FER1L6: variants seen among roughly 807,000 people sequenced by gnomAD.
FER1L6 encodes the protein fer-1-like protein 6.
In FER1L6, 177 loss-of-function variants were observed where a neutral mutation model predicts 219.2. The ratio of observed to expected loss-of-function variants is 0.81; its 90% CI spans 0.71 to 0.91. FER1L6 has a LOEUF of 0.91. FER1L6 is among the 40% of genes least tolerant of loss of function. The pLI is 0.00. For synonymous variants in FER1L6, 768 were observed against 824.3 expected (o/e 0.93, Z 1.17); for missense variants, 2,153 against 2,259.9 (o/e 0.95, Z 0.96).
Position 124,103,131 on chromosome 8 carries a change from G to A in FER1L6, c.5126-15G>A. On this transcript the variant is annotated splice_polypyrimidine_tract_variant and intron_variant, in intron 38 of 40. Coordinates refer to ENST00000522917, the MANE Select transcript of FER1L6 (RefSeq NM_001039112.2). ...AGAAAATGCTTCCCTAACTGTTAGG[G>A]TCATCTCTCCACAGGCACCCTGGAA... 1 of 1,611,944 alleles carries A rather than the reference G, an allele frequency of 6.2e-7. No individual in the cohort carries two copies. The highest frequency in any genetic ancestry group is 8.5e-7 in the Non-Finnish European group (1 of 1,178,992).
intron 5 of FER1L6, 31 bp downstream of exon 5, chr8:123,966,321 C>T: frequency 6.2e-7 from 1 of 1,612,098 alleles, no homozygotes; most frequent in African/African-American, 1.3e-5. Context: ...ACAGCTTTTG[C>T]ACTAAGATTC....
chr8:124,047,543 C>T (rs1192467723), intron 21 of FER1L6: 2 of 151,684 alleles, frequency 1.3e-5, no homozygotes, highest in Admixed American at 1.3e-4. Flanking sequence ...AGGTCATAGT[C>T]CTGTTACACT....
intron 16 of FER1L6, 62 bp from the exon 17 acceptor site, chr8:124,021,488 C>G (rs1190338411): frequency 1.3e-6 from 2 of 1,598,682 alleles, no homozygotes; most frequent in Non-Finnish European, 1.7e-6. Flanking sequence ...TCTTCAGCAA[C>G]AGGACGCTGC....
intron 3 of FER1L6, among the ~76,000 whole-genome samples, chr8:123,964,278 G>A (rs368518746): frequency 5.3e-5 from 8 of 152,304 alleles, no homozygotes; most frequent in African/African-American, 1.9e-4. Flanking sequence ...TACCATATTT[G>A]TTTATGTCAA....
At chr8:124,066,983 T>A (rs1820856868) in intron 27 of FER1L6, among the ~76,000 whole-genome samples, 1 of 152,000 alleles carries the variant, frequency 6.6e-6, no homozygotes, top group South Asian at 2.1e-4. Context: ...AAGGCAGAGG[T>A]CTTGGCCTTA....
chr8:124,114,630 G>A (rs1823156836), intron 39 of FER1L6, among the ~76,000 whole-genome samples: 1 of 151,882 alleles, frequency 6.6e-6, no homozygotes, highest in Non-Finnish European at 1.5e-5. Context: ...AAATGACTAT[G>A]CTTTGTACAT....
Position 124,082,458 on chromosome 8 carries a change from T to TGTAA in FER1L6, c.4391+3_4391+6dup, listed in dbSNP as rs757441077. 5.0e-6 allele frequency: 8 copies of TGTAA among 1,613,132 alleles called. No homozygotes were observed. In the Admixed American group the frequency reaches 8.3e-5, roughly 17 times the overall value. Reference sequence around the variant, plus strand: ...TGTGGCTTGCAGAGCCAGTATGAGATGTAAGTTCTTTCTCCCCGGGAGACA... The same window carrying TGTAA: ...TGTGGCTTGCAGAGCCAGTATGAGATGTAAGTAAGTTCTTTCTCCCCGGGAGACA... On this transcript the variant is annotated stop_gained and frameshift_variant and splice_region_variant. Coordinates refer to ENST00000522917, the MANE Select transcript of FER1L6 (RefSeq NM_001039112.2). LOFTEE classifies it high-confidence loss of function.
chr8:124,049,319 T>G (rs1819888899), intron 21 of FER1L6, among the ~76,000 whole-genome samples: 1 of 152,144 alleles, frequency 6.6e-6, no homozygotes, highest in South Asian at 2.1e-4. Context: ...GTGCTGGGAT[T>G]ACAGGCCTGA....
intron 1 of FER1L6, among the ~76,000 whole-genome samples, chr8:123,875,956 T>G (rs1212979670): frequency 1.3e-5 from 2 of 152,208 alleles, no homozygotes; most frequent in African/African-American, 4.8e-5. Context: ...TACCTTCTCC[T>G]CTATAGTATT....
At chr8:124,089,106 A>T (rs370363260) in intron 33 of FER1L6, among the ~76,000 whole-genome samples, 2 of 152,216 alleles carry the variant, frequency 1.3e-5, no homozygotes, top group South Asian at 4.2e-4. Context: ...ACTGTCTTTC[A>T]TGTTTATTTA....
At chr8:124,095,260 C>T (rs889848471) in intron 35 of FER1L6, among the ~76,000 whole-genome samples, 10 of 152,198 alleles carry the variant, frequency 6.6e-5, no homozygotes, top group African/African-American at 2.4e-4. Context: ...CAGCTTCCCT[C>T]CAACAGGGAA....
intron 1 of FER1L6, among the ~76,000 whole-genome samples, chr8:123,881,959 A>G (rs1267902888): frequency 6.6e-6 from 1 of 151,952 alleles, no homozygotes; most frequent in African/African-American, 2.4e-5. Context: ...CTGGTGCTAA[A>G]AGCTAATCAC....
In FER1L6 at chr8:124,067,051, T is replaced by C. The variant is rs148522392; in HGVS notation, c.3678+501T>C. On this transcript the variant is annotated intron_variant, in intron 27 of 40. Transcript: ENST00000522917. The stretch of plus-strand genomic sequence containing the variant: ...AGAGCAGGGCCTCATGTCCATGGAA[T>C]GAGACAGATCTAGTTATGAAGCTGG... Among the ~76,000 whole-genome samples the C allele has an allele frequency of 1.9e-4, 29 of 152,210 alleles. No individual in the cohort carries two copies. The East Asian group carries it at 5.4e-3, about 28-fold the overall frequency.
chr8:124,119,913 T>C lies in FER1L6; in HGVS notation c.*123T>C, dbSNP rs190659986. On this transcript the variant is annotated 3_prime_UTR_variant, in exon 41 of 41. Coordinates refer to ENST00000522917, the MANE Select transcript of FER1L6 (RefSeq NM_001039112.2). ...TGCTAAGGGGACAGATCAACCCTTC[T>C]TGGAAGAGATGGAAAAGAAACATTT... is the stretch of plus-strand genomic sequence containing the variant. The C allele has an allele frequency of 7.2e-4, 713 of 984,462 alleles. 1 individual carries two copies. Among genetic ancestry groups the C allele is most frequent in the East Asian group, 4.5e-3 (177 of 38,964 alleles). The allele number at this position is 984,462 out of a possible 1,614,324, so 61.0% of individuals were successfully genotyped here.
rs147160004 is a variant in FER1L6 at position 124,053,951 on chromosome 8, C to T, written c.2874+4195C>T. 5.3e-3 allele frequency among the ~76,000 whole-genome samples: 812 copies of T among 152,278 alleles called. 9 individuals are homozygous for T. The highest frequency in any genetic ancestry group is 0.019 in the African/African-American group (774 of 41,548). On this transcript the variant is annotated intron_variant, in intron 22 of 40. Coordinates refer to ENST00000522917, the MANE Select transcript of FER1L6 (RefSeq NM_001039112.2). The stretch of plus-strand genomic sequence containing the variant: ...TTCCCTCCTCTATCCAAGTTAGCTG[C>T]CCCCGTCCTCCCTATCCTGACTCAT...
intron 30 of FER1L6, 89 bp from the exon 31 acceptor site, chr8:124,071,417 G>C: frequency 6.5e-7 from 1 of 1,538,730 alleles, no homozygotes; most frequent in Non-Finnish European, 8.9e-7. Flanking sequence ...TTCCCAAGCT[G>C]TGCCCATTTT....
chr8:123,913,714 G>A (rs1207996127), intron 1 of FER1L6, among the ~76,000 whole-genome samples: 2 of 152,060 alleles, frequency 1.3e-5, no homozygotes, highest in Non-Finnish European at 2.9e-5. Context: ...CAAGTTTGAG[G>A]GCTGGGCAAA....
At chr8:123,939,161 C>T (rs1196944097) in intron 1 of FER1L6, 2 of 985,186 alleles carry the variant, frequency 2.0e-6, no homozygotes, top group Non-Finnish European at 2.4e-6. Flanking sequence ...AAATTGTGAC[C>T]TGTGAAAAAC....
intron 1 of FER1L6, among the ~76,000 whole-genome samples, chr8:123,935,162 A>AT (rs1813936315): frequency 6.6e-6 from 1 of 152,186 alleles, no homozygotes; most frequent in Non-Finnish European, 1.5e-5. Flanking sequence ...TATGTAAAAA[A>AT]ATATATTTCT....
Sources: allele counts gnomAD v4.1 joint callset (sites outside exome capture counted in the v4.1 genomes callset), GRCh38; gene constraint gnomAD v4.1.1; transcripts MANE v1.5; gene names NCBI Gene and HGNC (gene_info 2026-07-23, HGNC 2026-07-21).